Variants in CEP104 observed in about 807,000 individuals in gnomAD.
CEP104 encodes centrosomal protein 104.
CEP104 carries 84 observed loss-of-function variants against 113.3 expected under a neutral mutation model. That is an observed-to-expected ratio of 0.74 (90% CI 0.62 to 0.89). The LOEUF is 0.89. Among genes scored for constraint, CEP104 ranks in the 40% least tolerant of loss-of-function variants. CEP104 has a pLI of 0.00. For synonymous variants in CEP104, 378 were observed against 421.7 expected (o/e 0.90, Z 1.27); for missense variants, 1,053 against 1,156.6 (o/e 0.91, Z 1.30).
intron 15 of CEP104, among the ~76,000 whole-genome samples, chr1:3,827,861 A>G (rs1484172172): frequency 1.3e-5 from 2 of 152,186 alleles, no homozygotes; most frequent in African/African-American, 4.8e-5. Context: ...CTGGAGCCCC[A>G]GCTCCATGAG....
At chr1:3,827,572 T>G (rs185788820) in intron 15 of CEP104, among the ~76,000 whole-genome samples, 57 of 152,304 alleles carry the variant, frequency 3.7e-4, no homozygotes, top group Admixed American at 2.7e-3. Flanking sequence ...TTCTGAAAGT[T>G]CTGGAGATGG....
chr1:3,817,153 A>G (rs962999649), intron 20 of CEP104, among the ~76,000 whole-genome samples: 13 of 152,164 alleles, frequency 8.5e-5, no homozygotes, highest in Non-Finnish European at 1.8e-4. Context: ...CAGCTTGGTG[A>G]AACCCCGTCT....
At chr1:3,845,228 A>G in intron 5 of CEP104, 61 bp downstream of exon 5, 3 of 1,163,396 alleles carry the variant, frequency 2.6e-6, no homozygotes, top group Non-Finnish European at 3.8e-6. Flanking sequence ...GTGAAAATAA[A>G]TGACTCCCTC....
chr1:3,825,354 T>G (rs547287889), intron 18 of CEP104, among the ~76,000 whole-genome samples: 23 of 152,338 alleles, frequency 1.5e-4, no homozygotes, highest in African/African-American at 4.1e-4. Flanking sequence ...GGTCCCAAAC[T>G]GGACGCAGCC....
intron 12 of CEP104, among the ~76,000 whole-genome samples, chr1:3,832,066 C>T (rs1253871249): frequency 6.6e-6 from 1 of 152,226 alleles, no homozygotes; most frequent in Non-Finnish European, 1.5e-5. Flanking sequence ...GGTTGTCTCA[C>T]ATAGAGAGAA....
chr1:3,820,134 C>A (rs1643942621), intron 20 of CEP104, among the ~76,000 whole-genome samples: 1 of 152,236 alleles, frequency 6.6e-6, no homozygotes, highest in Middle Eastern at 3.4e-3. Flanking sequence ...AAGCAGATGA[C>A]ACATGAGATA....
At chr1:3,856,314 G>A (rs1173293889) in intron 1 of CEP104, among the ~76,000 whole-genome samples, 1 of 152,156 alleles carries the variant, frequency 6.6e-6, no homozygotes, top group Non-Finnish European at 1.5e-5. Flanking sequence ...CCCGGGAGGC[G>A]GAGGCTGCAG....
At chr1:3,832,037 C>T (rs915213280) in intron 12 of CEP104, among the ~76,000 whole-genome samples, 1 of 152,304 alleles carries the variant, frequency 6.6e-6, no homozygotes, top group East Asian at 1.9e-4. Flanking sequence ...CAATTGTAAC[C>T]CTCGATAGAT....
rs764509320 is a variant in CEP104, at chr1:3,833,816, A to G, written c.1659+46T>C. ...TTAAGAAAGCCAGAGAGCTACAGGA[A>G]TATGTTTATCATCTACGGTTTCAAA... is the stretch of plus-strand genomic sequence containing the variant. On this transcript the variant is annotated intron_variant, in intron 12 of 21. Transcript: ENST00000378230. 2.5e-6 allele frequency: 4 copies of G among 1,582,200 alleles called. 1 individual carries two copies. In the South Asian group the frequency reaches 4.4e-5, roughly 18 times the overall value.
intron 18 of CEP104, among the ~76,000 whole-genome samples, chr1:3,825,448 C>T (rs1046115236): frequency 2.0e-5 from 3 of 152,134 alleles, no homozygotes; most frequent in Non-Finnish European, 4.4e-5. Context: ...AACATGACGC[C>T]ACATGGTTCC....
chr1:3,848,943 T>C (rs1644560532), intron 2 of CEP104, among the ~76,000 whole-genome samples, 162 bp from the exon 3 acceptor site: 1 of 152,240 alleles, frequency 6.6e-6, no homozygotes, highest in Non-Finnish European at 1.5e-5. Flanking sequence ...ACATGATTCC[T>C]GTTCTCTCGA....
At position 3,847,570 on chromosome 1, in the gene CEP104, G is replaced by C; in HGVS notation, c.331C>G (p.Arg111Gly). Residue 111 changes from arginine to glycine, a missense_variant, in exon 4 of 22, where the codon CGG becomes GGG. By Grantham distance (125) the Arg-to-Gly change is moderately radical (BLOSUM62 -2). Transcript: ENST00000378230. ...CDNEKTGCKA[R>G]ELKSVYVDAV... Reference sequence around the variant, plus strand: ...TCCACATAAACTGATTTTAGTTCCCGGGCTTTGCAACCTGTCTTTTCATTA... The same window carrying C: ...TCCACATAAACTGATTTTAGTTCCCCGGCTTTGCAACCTGTCTTTTCATTA... 3 of 1,613,844 alleles carry C rather than the reference G, an allele frequency of 1.9e-6. No homozygotes were observed. The highest frequency in any genetic ancestry group is 2.5e-6 in the Non-Finnish European group (3 of 1,179,912).
At position 3,836,332 on chromosome 1, in the gene CEP104, AAG is replaced by A. The variant is rs1362195803; in HGVS notation, c.1317+161_1317+162del. ...AAAAAAAAAAAAAAAAAGTTAACAAAAGACTTTCCAATTCAGGAAGAACAAAG... is the reference window on the plus strand; with the variant it reads ...AAAAAAAAAAAAAAAAAGTTAACAAAACTTTCCAATTCAGGAAGAACAAAG... On this transcript the variant is annotated intron_variant, in intron 10 of 21. Transcript: ENST00000378230. Among the ~76,000 whole-genome samples the A allele has an allele frequency of 1.8e-4, 28 of 151,938 alleles. No individual in the cohort carries two copies. The South Asian group carries it at 5.2e-3, about 28-fold the overall frequency.
At chr1:3,845,045 A>G in intron 5 of CEP104, 62 bp from the exon 6 acceptor site, 2 of 1,343,464 alleles carry the variant, frequency 1.5e-6, no homozygotes, top group South Asian at 2.3e-5. Flanking sequence ...CAAAACCTTA[A>G]CTACAAGATT....
intron 1 of CEP104, among the ~76,000 whole-genome samples, chr1:3,856,201 GA>G (rs1315184158): frequency 6.6e-6 from 1 of 152,170 alleles, no homozygotes; most frequent in Non-Finnish European, 1.5e-5. Context: ...TTGAGGTCAG[GA>G]GTTCGAGACC....
In CEP104 at chr1:3,823,865, C is replaced by T. The variant is rs746714316; in HGVS notation, c.2365-303G>A. ...AAGCTTGGATGAGGGCGCAGAGTGG[C>T]TCAGTGGTTACAGTGTGGCCCAAGG... On this transcript the variant is annotated intron_variant, in intron 18 of 21. Transcript: ENST00000378230. This position sits in a 1 kb window ranked among gnomAD's most constrained non-coding sequence, Gnocchi z 4.1. Among the ~76,000 whole-genome samples, 8 of 152,292 alleles carry T rather than the reference C, an allele frequency of 5.3e-5. No homozygotes were observed. Among genetic ancestry groups the T allele is most frequent in the Non-Finnish European group, 1.2e-4 (8 of 68,026 alleles).
chr1:3,833,799 G>T, intron 12 of CEP104, 63 bp downstream of exon 12: 1 of 1,494,264 alleles, frequency 6.7e-7, no homozygotes, highest in Non-Finnish European at 9.3e-7. Context: ...TGTTAAGAAA[G>T]CCAGAGAGCT....
Position 3,839,670 on chromosome 1 carries a change from C to T in CEP104, c.673G>A (p.Val225Ile). 6.2e-7 allele frequency: 1 copy of T among 1,614,130 alleles called. No individual in the cohort carries two copies. Residue 225 changes from valine (V) to isoleucine (I), a missense_variant, in exon 7 of 22, where the codon GTC (valine) becomes ATC (isoleucine). Physicochemically the swap from Val to Ile is conservative, Grantham distance 29. Transcript: ENST00000378230. The part of the protein sequence containing the change: ...RKLDERKREA[V>I]QKERYDYAKK... ...GCATAATCATAGCGTTCCTTTTGGA[C>T]AGCTTCCCGTTTTCTTTCATCTAAT...
At chr1:3,831,502 GA>G (rs1195835485) in intron 12 of CEP104, among the ~76,000 whole-genome samples, 1 of 152,194 alleles carries the variant, frequency 6.6e-6, no homozygotes. Context: ...TTGAAAACTT[GA>G]AGGTTTCTGT....
Sources: gnomAD v4.1 joint callset for allele counts (sites outside exome capture counted in the v4.1 genomes callset) on GRCh38, gnomAD v4.1.1 for gene constraint, Gnocchi (gnomAD v3.1) non-coding constraint, MANE v1.5 for transcripts, NCBI Gene and HGNC (gene_info 2026-07-23, HGNC 2026-07-21) for gene names.